SYN3: variants seen among roughly 807,000 people sequenced by gnomAD.
SYN3 encodes the protein synapsin-3.
SYN3 carries 35 observed loss-of-function variants against 65.8 expected under a neutral mutation model. The ratio of observed to expected loss-of-function variants is 0.53; its 90% CI spans 0.41 to 0.70. The LOEUF (loss-of-function observed/expected upper bound fraction) is 0.70. Among genes scored for constraint, SYN3 ranks in the 30% least tolerant of loss-of-function variants. SYN3 has a pLI of 0.00. For missense variants in SYN3, 680 were observed against 749.0 expected (o/e 0.91, Z 1.08); for synonymous variants, 270 against 292.9 (o/e 0.92, Z 0.80).
At chr22:32,846,539 G>A (rs1051873408) in intron 6 of SYN3, among the ~76,000 whole-genome samples, 3 of 152,114 alleles carry the variant, frequency 2.0e-5, no homozygotes, top group Admixed American at 1.3e-4. Context: ...ATATTAATAC[G>A]ACCCTCACAG....
chr22:32,798,270 T>C (rs990786262), intron 6 of SYN3, among the ~76,000 whole-genome samples: 8 of 152,146 alleles, frequency 5.3e-5, no homozygotes, highest in Non-Finnish European at 1.0e-4. Flanking sequence ...CAAACGAATC[T>C]GTCTACAGAT....
intron 1 of SYN3, among the ~76,000 whole-genome samples, chr22:33,024,527 G>C (rs2053609632): frequency 6.6e-6 from 1 of 152,152 alleles, no homozygotes; most frequent in South Asian, 2.1e-4. Flanking sequence ...GGAGTACAGG[G>C]AAAAATGGTT....
At chr22:33,053,097 T>G (rs2054197998) in intron 1 of SYN3, among the ~76,000 whole-genome samples, 2 of 152,150 alleles carry the variant, frequency 1.3e-5, no homozygotes, top group Admixed American at 1.3e-4. Flanking sequence ...GAACAATGGC[T>G]CCATATCCCA....
intron 6 of SYN3, among the ~76,000 whole-genome samples, chr22:32,794,528 C>T (rs1230127366): frequency 1.3e-5 from 2 of 152,200 alleles, no homozygotes; most frequent in African/African-American, 2.4e-5. Context: ...TCCTTTTCTC[C>T]ACTCCATTCA....
chr22:32,700,061 T>C (rs756149016), intron 6 of SYN3, among the ~76,000 whole-genome samples: 2 of 152,204 alleles, frequency 1.3e-5, no homozygotes, highest in Non-Finnish European at 2.9e-5. Context: ...GAACAAAGCT[T>C]GTTCCAACAA....
intron 6 of SYN3, among the ~76,000 whole-genome samples, chr22:32,752,504 A>G (rs2045158770): frequency 6.6e-6 from 1 of 152,214 alleles, no homozygotes; most frequent in Middle Eastern, 3.4e-3. Context: ...AATTAAAATG[A>G]CTCATTAAAT....
At chr22:32,851,014 G>T (rs1488650477) in intron 6 of SYN3, among the ~76,000 whole-genome samples, 1 of 152,176 alleles carries the variant, frequency 6.6e-6, no homozygotes, top group Admixed American at 6.5e-5. Context: ...GTTATGTAAT[G>T]TCCAGAGTCA....
At chr22:32,646,820 C>A (rs1458295474) in intron 6 of SYN3, among the ~76,000 whole-genome samples, 1 of 152,188 alleles carries the variant, frequency 6.6e-6, no homozygotes, top group Non-Finnish European at 1.5e-5. Flanking sequence ...AATGGCAAGG[C>A]CCCCTCTCCC....
intron 10 of SYN3, among the ~76,000 whole-genome samples, chr22:32,531,934 G>T (rs2058079544): frequency 6.7e-6 from 1 of 149,282 alleles, no homozygotes; most frequent in African/African-American, 2.5e-5. Flanking sequence ...AATGTGAAAG[G>T]TCTTTCATCC....
At chr22:32,906,878 G>A (rs2049918599) in intron 4 of SYN3, among the ~76,000 whole-genome samples, 1 of 152,134 alleles carries the variant, frequency 6.6e-6, no homozygotes, top group African/African-American at 2.4e-5. Flanking sequence ...TGGTGTATAT[G>A]TGCCACATTT....
At chr22:32,627,452 C>T (rs1004145210) in intron 6 of SYN3, among the ~76,000 whole-genome samples, 1 of 152,176 alleles carries the variant, frequency 6.6e-6, no homozygotes, top group African/African-American at 2.4e-5. Flanking sequence ...CGGCAGGTCA[C>T]ACCACACATC....
chr22:32,645,040 G>A (rs1356179921), intron 6 of SYN3, among the ~76,000 whole-genome samples: 1 of 152,152 alleles, frequency 6.6e-6, no homozygotes, highest in Admixed American at 6.5e-5. Flanking sequence ...GAGGTTCCCA[G>A]GTCCGAGAGA....
chr22:33,023,036 C>G (rs2053584534), intron 1 of SYN3, among the ~76,000 whole-genome samples: 1 of 152,078 alleles, frequency 6.6e-6, no homozygotes, highest in African/African-American at 2.4e-5. Flanking sequence ...TTATCAGGAC[C>G]CTCATCTGAA....
chr22:32,606,142 G>A (rs1023075525), intron 6 of SYN3, among the ~76,000 whole-genome samples: 1 of 152,150 alleles, frequency 6.6e-6, no homozygotes, highest in African/African-American at 2.4e-5. Flanking sequence ...ATGATCTCAG[G>A]GGCACGGCAG....
intron 3 of SYN3, among the ~76,000 whole-genome samples, chr22:32,952,267 G>A (rs184023292): frequency 6.6e-6 from 1 of 151,188 alleles, no homozygotes; most frequent in Non-Finnish European, 1.5e-5. Context: ...GTGTGTGTGC[G>A]CACACGCATG....
intron 6 of SYN3, among the ~76,000 whole-genome samples, chr22:32,696,452 T>C (rs1386542369): frequency 1.3e-5 from 2 of 152,250 alleles, no homozygotes; most frequent in African/African-American, 4.8e-5. Flanking sequence ...TTTCTAGTTG[T>C]ATTGAAGATG....
chr22:32,872,426 C>T (rs4608622), intron 4 of SYN3, among the ~76,000 whole-genome samples: 26,877 of 152,096 alleles, frequency 0.18, 2,605 homozygotes, highest in Non-Finnish European at 0.22. Context: ...CCCTTATTAC[C>T]AAGGGGTTGC....
At chr22:32,920,466 C>T (rs543321294) in intron 4 of SYN3, among the ~76,000 whole-genome samples, 4 of 152,214 alleles carry the variant, frequency 2.6e-5, no homozygotes, top group South Asian at 2.1e-4. Flanking sequence ...GTCTGGGTTG[C>T]GCTTAAGCAC....
chr22:33,047,012 C>T (rs548159816), intron 1 of SYN3, among the ~76,000 whole-genome samples: 18 of 152,148 alleles, frequency 1.2e-4, no homozygotes, highest in African/African-American at 4.3e-4. Context: ...GTACTCTTTT[C>T]TACAGGTATT....
Sources: gnomAD v4.1 joint callset for allele counts (sites outside exome capture counted in the v4.1 genomes callset) on GRCh38, gnomAD v4.1.1 for gene constraint, MANE v1.5 for transcripts, NCBI Gene and HGNC (gene_info 2026-07-23, HGNC 2026-07-21) for gene names.